The following ETV6 variants were observed in gnomAD, a reference collection of about 807,000 sequenced individuals.
ETV6 encodes ETS variant transcription factor 6, also known as transcription factor ETV6.
ETV6 carries 16 observed loss-of-function variants against 51.1 expected under a neutral mutation model. That is an observed-to-expected ratio of 0.31 (90% CI 0.21 to 0.48). The LOEUF is 0.48. Among genes scored for constraint, ETV6 ranks in the 20% least tolerant of loss-of-function variants. ETV6 has a pLI of 0.99. For missense variants in ETV6, 458 were observed against 594.8 expected, an observed-to-expected ratio of 0.77 and a Z score of 2.39; for synonymous variants, 240 against 224.1, an observed-to-expected ratio of 1.07 and a Z score of -0.64.
At chr12:11,734,754 T>A (rs1360227589) in intron 1 of ETV6, among the ~76,000 whole-genome samples, 3 of 151,582 alleles carry the variant, frequency 2.0e-5, no homozygotes, top group Non-Finnish European at 2.9e-5. Flanking sequence ...TGAGGAAACT[T>A]AGGCTTGGGG....
intron 2 of ETV6, among the ~76,000 whole-genome samples, chr12:11,768,322 A>C (rs1201625732): frequency 6.6e-6 from 1 of 152,182 alleles, no homozygotes; most frequent in Non-Finnish European, 1.5e-5. Flanking sequence ...GGTGTGTACT[A>C]TGTGTTACTA....
Position 11,697,438 on chromosome 12 carries a change from A to AG in ETV6, c.33+47280dup, listed in dbSNP as rs1159775406. Among the ~76,000 whole-genome samples the AG allele has an allele frequency of 2.0e-5, 3 of 152,336 alleles. No individual in the cohort carries two copies. In the East Asian group the frequency reaches 5.8e-4, roughly 29 times the overall value. ...TCTCCGTTCTCAAGAAACGGCTTAAAGGTTGTAAAAGGATTCTGCTTTTAA... is the reference window on the plus strand; with the variant it reads ...TCTCCGTTCTCAAGAAACGGCTTAAAGGGTTGTAAAAGGATTCTGCTTTTAA... On this transcript the variant is annotated intron_variant, in intron 1 of 7. Coordinates refer to ENST00000396373, the MANE Select transcript of ETV6 (RefSeq NM_001987.5).
intron 2 of ETV6, among the ~76,000 whole-genome samples, chr12:11,811,834 G>T (rs61921849): frequency 6.6e-6 from 1 of 152,092 alleles, no homozygotes; most frequent in African/African-American, 2.4e-5. Flanking sequence ...GGCCAGTCAG[G>T]AACAGAGCTG....
chr12:11,844,250 T>G (rs1015124449), intron 3 of ETV6, among the ~76,000 whole-genome samples: 1 of 152,170 alleles, frequency 6.6e-6, no homozygotes, highest in Admixed American at 6.5e-5. Flanking sequence ...TCAATTTAAT[T>G]CATGTTACAC....
Position 11,869,688 on chromosome 12 carries a change from A to G in ETV6, c.728A>G (p.Asn243Ser), listed in dbSNP as rs1181902533. ...YPLSVSPMEN[N>S]HCPASSESHP... Reference sequence around the variant, plus strand: ...CTGTCAGTGTCTCCCATGGAGAATAATCACTGCCCAGCGTCCTCCGAGTCC... The same window carrying G: ...CTGTCAGTGTCTCCCATGGAGAATAGTCACTGCCCAGCGTCCTCCGAGTCC... Residue 243 changes from asparagine to serine, a missense_variant, in exon 5 of 8, where the codon AAT (asparagine) becomes AGT (serine). Around this residue, in one of 4 missense-constraint regions of ETV6, gnomAD observed 293 missense variants for 315.7 expected, o/e 0.93. Coordinates refer to ENST00000396373, the MANE Select transcript of ETV6 (RefSeq NM_001987.5). This position sits in a 1 kb window ranked among gnomAD's most constrained non-coding sequence, Gnocchi z 5.0. 6.2e-7 allele frequency: 1 copy of G among 1,614,038 alleles called. No homozygotes were observed. The highest frequency in any genetic ancestry group is 2.2e-5 in the East Asian group (1 of 44,868).
chr12:11,662,959 G>A (rs1466704488), intron 1 of ETV6, among the ~76,000 whole-genome samples: 2 of 152,174 alleles, frequency 1.3e-5, no homozygotes, highest in Non-Finnish European at 2.9e-5. Flanking sequence ...CCAGGGTAAG[G>A]CAAGAGTTAG....
At chr12:11,857,216 C>T (rs184749678) in intron 4 of ETV6, among the ~76,000 whole-genome samples, 2 of 152,320 alleles carry the variant, frequency 1.3e-5, no homozygotes, top group Non-Finnish European at 2.9e-5. Context: ...AGCACCAGTT[C>T]CCCACATGTA....
At chr12:11,876,488 T>G (rs1946986074) in intron 5 of ETV6, among the ~76,000 whole-genome samples, 1 of 152,222 alleles carries the variant, frequency 6.6e-6, no homozygotes, top group Non-Finnish European at 1.5e-5. Context: ...TCAGTTTAGT[T>G]TTCTCTTAAA....
intron 2 of ETV6, among the ~76,000 whole-genome samples, chr12:11,802,118 G>A (rs1049747358): frequency 6.6e-6 from 1 of 152,300 alleles, no homozygotes; most frequent in Middle Eastern, 3.4e-3. Flanking sequence ...GCCACTGCCG[G>A]GGGCTGATAA....
At chr12:11,705,423 T>A (rs1250047701) in intron 1 of ETV6, among the ~76,000 whole-genome samples, 1 of 152,224 alleles carries the variant, frequency 6.6e-6, no homozygotes, top group African/African-American at 2.4e-5. Flanking sequence ...TGCCCTGGCC[T>A]TCAGATGATT....
chr12:11,873,310 G>T (rs1304462077), intron 5 of ETV6, among the ~76,000 whole-genome samples: 1 of 152,090 alleles, frequency 6.6e-6, no homozygotes, highest in East Asian at 1.9e-4. Context: ...TTGTTTCTTT[G>T]AGGATACCCC....
intron 2 of ETV6, among the ~76,000 whole-genome samples, chr12:11,788,886 A>G (rs1177276720): frequency 1.3e-5 from 2 of 151,844 alleles, no homozygotes; most frequent in Non-Finnish European, 2.9e-5. Flanking sequence ...AATTTTGGAC[A>G]GAACAATTTA....
At chr12:11,690,906 A>ATAAG (rs1555114907) in intron 1 of ETV6, among the ~76,000 whole-genome samples, 29 of 150,874 alleles carry the variant, frequency 1.9e-4, no homozygotes, top group African/African-American at 6.3e-4. Flanking sequence ...AAATAAATAA[A>ATAAG]TAAAATTATA....
chr12:11,697,699 G>A (rs1234624260), intron 1 of ETV6, among the ~76,000 whole-genome samples: 5 of 152,212 alleles, frequency 3.3e-5, no homozygotes, highest in South Asian at 2.1e-4. Flanking sequence ...TCTGAGTAGT[G>A]TAGCATATCC....
intron 1 of ETV6, among the ~76,000 whole-genome samples, chr12:11,689,992 A>G (rs574779261): frequency 1.8e-4 from 27 of 152,126 alleles, no homozygotes; most frequent in African/African-American, 6.0e-4. Flanking sequence ...TGTCACAAGC[A>G]TGGATTTATG....
At chr12:11,695,146 C>T (rs1427165299) in intron 1 of ETV6, among the ~76,000 whole-genome samples, 1 of 152,206 alleles carries the variant, frequency 6.6e-6, no homozygotes, top group East Asian at 1.9e-4. Flanking sequence ...TTAATGATAC[C>T]AAATCTGGCC....
At chr12:11,653,583 G>T (rs1284844052) in intron 1 of ETV6, among the ~76,000 whole-genome samples, 1 of 152,124 alleles carries the variant, frequency 6.6e-6, no homozygotes, top group Non-Finnish European at 1.5e-5. Context: ...AGCTGGCATA[G>T]AAATATTTCT....
chr12:11,761,011 A>G (rs1945079201), intron 2 of ETV6, among the ~76,000 whole-genome samples: 1 of 152,088 alleles, frequency 6.6e-6, no homozygotes, highest in African/African-American at 2.4e-5. Flanking sequence ...TGCACAGTAG[A>G]TATTATACCT....
intron 1 of ETV6, among the ~76,000 whole-genome samples, chr12:11,656,252 G>T (rs977850143): frequency 1.3e-5 from 2 of 152,192 alleles, no homozygotes; most frequent in Non-Finnish European, 2.9e-5. Context: ...CTAAGACCTC[G>T]CAGGCTGTAA....
Sources: gnomAD v4.1 joint callset for allele counts (sites outside exome capture counted in the v4.1 genomes callset) on GRCh38, gnomAD v4.1.1 for gene constraint, gnomAD v4.1.1 regional missense constraint, Gnocchi (gnomAD v3.1) non-coding constraint, MANE v1.5 for transcripts, NCBI Gene and HGNC (gene_info 2026-07-23, HGNC 2026-07-21) for gene names.